Variants in SPTBN2 observed in about 807,000 individuals in gnomAD.
SPTBN2 encodes the protein spectrin beta, non-erythrocytic 2.
A neutral mutation model predicts 284.2 loss-of-function variants in SPTBN2; 107 were observed. That is an observed-to-expected ratio of 0.38 (90% CI 0.32 to 0.44). The LOEUF (loss-of-function observed/expected upper bound fraction) is 0.44, where lower values mean the gene tolerates loss of function less well. SPTBN2 is among the 20% of genes least tolerant of loss of function. The pLI is 1.00. For synonymous variants in SPTBN2, 1,289 were observed against 1,354.8 expected (o/e 0.95, Z 1.07); for missense variants, 2,569 against 3,287.1 (o/e 0.78, Z 5.34).
Position 66,698,650 on chromosome 11 carries a change from T to C in SPTBN2, c.4003A>G (p.Lys1335Glu). The C allele has an allele frequency of 6.2e-7, 1 of 1,614,212 alleles. No homozygotes were observed. The highest frequency in any genetic ancestry group is 8.5e-7 in the Non-Finnish European group (1 of 1,180,044). The change falls in exon 20 of 38, where the codon AAG (lysine) becomes GAG (glutamate). Residue 1335 changes from lysine (K) to glutamate (E), a missense_variant. By Grantham distance (56) the Lys-to-Glu change is moderately conservative. Coordinates refer to ENST00000533211, the MANE Select transcript of SPTBN2 (RefSeq NM_006946.4). Reference sequence around the variant, plus strand: ...ACAGCACTGCTCACCTTGTCCACCTTGTCCAGCCAGTCTTTGTTGGCAGCC... The same window carrying C: ...ACAGCACTGCTCACCTTGTCCACCTCGTCCAGCCAGTCTTTGTTGGCAGCC... ...ELAANKDWLD[K>E]VDKEGRELTL...
Position 66,707,347 on chromosome 11 carries a change from A to G in SPTBN2, c.1653+169T>C, listed in dbSNP as rs1042860611. ...ATCAGCCTCCTCCATGTGGACACGA[A>G]CCCCATGTGGACAGGGCCCTGTTTA... is the stretch of plus-strand genomic sequence containing the variant. On this transcript the variant is annotated intron_variant, in intron 13 of 37. Coordinates refer to ENST00000533211, the MANE Select transcript of SPTBN2 (RefSeq NM_006946.4). The surrounding 1 kb of genome is among the most constrained non-coding windows in gnomAD (Gnocchi z 4.9). Among the ~76,000 whole-genome samples the G allele has an allele frequency of 2.0e-5, 3 of 152,094 alleles. No individual in the cohort carries two copies. Among genetic ancestry groups the G allele is most frequent in the Non-Finnish European group, 4.4e-5 (3 of 68,000 alleles).
intron 1 of SPTBN2, among the ~76,000 whole-genome samples, chr11:66,725,432 C>G (rs1028781491): frequency 6.6e-6 from 1 of 152,222 alleles, no homozygotes; most frequent in Non-Finnish European, 1.5e-5. Flanking sequence ...TTTTCTCCTA[C>G]ACATATCCAG....
chr11:66,701,771 C>T (rs889496814), intron 15 of SPTBN2, 50 bp from the exon 16 acceptor site: 1 of 1,613,306 alleles, frequency 6.2e-7, no homozygotes, highest in Non-Finnish European at 8.5e-7. Flanking sequence ...AGCGATGTGC[C>T]CAGTCCACCT....
At position 66,690,254 on chromosome 11, in the gene SPTBN2, C is replaced by T. The variant is rs370666901; in HGVS notation, c.5595G>A (p.Arg1865=). ...TGTCTCCAGCGTAGGCCTTCTGGAG[C>T]CGGTGGCCGTCGTCCTGCACCTGCT... ...QVQQVQDDGH[R]LQKAYAGDKA... is the part of the protein sequence containing the mutation. The change falls in exon 28 of 38, where the codon CGG becomes CGA. Residue 1865 remains arginine (R), a synonymous_variant. Transcript: ENST00000533211. 3.7e-6 allele frequency: 6 copies of T among 1,611,470 alleles called. No individual in the cohort carries two copies. The Admixed American group carries it at 6.7e-5, about 18-fold the overall frequency.
Position 66,700,646 on chromosome 11 carries a change from T to A in SPTBN2, c.3453A>T (p.Gly1151=), listed in dbSNP as rs768932281. Reference sequence around the variant, plus strand: ...TTCGGCCCAGCTCCTCCCAGCCAGTTCCCAGGGCCTCCAGTCGCTGTCGTA... The same window carrying A: ...TTCGGCCCAGCTCCTCCCAGCCAGTACCCAGGGCCTCCAGTCGCTGTCGTA... ...LFLRQRLEAL[G]TGWEELGRMW... is the part of the protein sequence containing the mutation. Residue 1151 remains glycine (G), a synonymous_variant, in exon 17 of 38, where the codon GGA becomes GGT. Coordinates refer to ENST00000533211, the MANE Select transcript of SPTBN2 (RefSeq NM_006946.4). The surrounding 1 kb of genome is among the most constrained non-coding windows in gnomAD (Gnocchi z 6.6). 3.1e-5 allele frequency: 50 copies of A among 1,607,874 alleles called. No individual in the cohort carries two copies. The highest frequency in any genetic ancestry group is 1.3e-4 in the Admixed American group (8 of 59,988).
chr11:66,706,053 C>A (rs1029299349), intron 13 of SPTBN2, among the ~76,000 whole-genome samples: 2 of 152,214 alleles, frequency 1.3e-5, no homozygotes, highest in Admixed American at 6.5e-5. Flanking sequence ...CTAACTCCTG[C>A]TCTTGGAAGC....
Position 66,715,736 on chromosome 11 carries a change from T to C in SPTBN2, c.309+94A>G. The C allele has an allele frequency of 1.3e-6, 2 of 1,539,000 alleles. No individual in the cohort carries two copies. The highest frequency in any genetic ancestry group is 1.8e-6 in the Non-Finnish European group (2 of 1,135,378). ...CAGAGGGAGCCACTGCTTCCCGCCC[T>C]GTGCCGTCACTCTCTCTGAGGGCTG... On this transcript the variant is annotated intron_variant, in intron 4 of 37. Transcript: ENST00000533211. This position sits in a 1 kb window ranked among gnomAD's most constrained non-coding sequence, Gnocchi z 5.3.
chr11:66,714,671 G>A (rs767674281), intron 5 of SPTBN2, among the ~76,000 whole-genome samples: 4 of 152,206 alleles, frequency 2.6e-5, no homozygotes, highest in Non-Finnish European at 5.9e-5. Context: ...ACTGCAGGCA[G>A]AAGAGTGAAC....
rs777270558 is a variant in SPTBN2, at chr11:66,686,055, G to A, written c.6989C>T (p.Ala2330Val). The A allele has an allele frequency of 3.7e-6, 6 of 1,613,692 alleles. No homozygotes were observed. The highest frequency in any genetic ancestry group is 3.3e-5 in the South Asian group (3 of 91,084). ...TTCAGGCTCTCCAGAGGCAGAAGAC[G>A]CTGTGGCAATGGCTGCATTCACCAC... ...LRVVNAAIATASSASGEPEEP... is the reference protein window; with the variant it reads ...LRVVNAAIATVSSASGEPEEP... The change falls in exon 38 of 38, where the codon GCG (alanine) becomes GTG (valine). Residue 2330 changes from alanine to valine, a missense_variant. Physicochemically the swap from Ala to Val is moderately conservative, Grantham distance 64. This residue lies in a region of SPTBN2 where 1,130 missense variants were observed against 1,317.3 expected (regional missense o/e 0.86). Transcript: ENST00000533211.
chr11:66,699,703 C>G (rs1436009908), intron 17 of SPTBN2, 95 bp from the exon 18 acceptor site: 9 of 1,259,232 alleles, frequency 7.1e-6, no homozygotes, highest in Non-Finnish European at 1.0e-5. Context: ...AGGTAGGGAC[C>G]AACAAGCAGA....
At chr11:66,738,356 A>G (rs1942870120) in intron 1 of SPTBN2, among the ~76,000 whole-genome samples, 1 of 152,250 alleles carries the variant, frequency 6.6e-6, no homozygotes, top group Admixed American at 6.5e-5. Context: ...TAACACCTAA[A>G]GAAAGAGGTA....
chr11:66,720,984 A>G (rs925450569), intron 3 of SPTBN2, 100 bp downstream of exon 3: 2 of 1,528,634 alleles, frequency 1.3e-6, no homozygotes, highest in Non-Finnish European at 1.8e-6. Context: ...TCCCACTTAG[A>G]AAGAAAAGTC....
chr11:66,704,905 C>T lies in SPTBN2; in HGVS notation c.2371G>A (p.Ala791Thr). 3.1e-6 allele frequency: 5 copies of T among 1,611,600 alleles called. No homozygotes were observed. Among genetic ancestry groups the T allele is most frequent in the Non-Finnish European group, 4.2e-6 (5 of 1,179,904 alleles). ...TGGCTTCGAATCTCCTCCTCCAGGG[C>T]CCGATGCTGCCTGGCTAGAGCCTGC... ...STQALARQHR[A>T]LEEEIRSHRP... The change falls in exon 15 of 38, where the codon GCC becomes ACC. Residue 791 changes from alanine (A) to threonine (T), a missense_variant. Around this residue, in one of 6 missense-constraint regions of SPTBN2, gnomAD observed 1,012 missense variants for 1,248.9 expected, o/e 0.81. Coordinates refer to ENST00000533211, the MANE Select transcript of SPTBN2 (RefSeq NM_006946.4).
In SPTBN2 at chr11:66,691,584, A is replaced by G. The variant is rs765242216; in HGVS notation, c.5265T>C (p.Asn1755=). Residue 1755 remains asparagine (N), a synonymous_variant, in exon 27 of 38, where the codon AAT becomes AAC. Coordinates refer to ENST00000533211, the MANE Select transcript of SPTBN2 (RefSeq NM_006946.4). The surrounding 1 kb of genome is among the most constrained non-coding windows in gnomAD (Gnocchi z 8.0). ...TIGQERVDSA[N]ALANGLIAGG... ...CAGCAATGAGCCCATTGGCCAGCGC[A>G]TTGGCGCTATCTACGCGCTCCTGAC... The G allele has an allele frequency of 1.8e-5, 29 of 1,613,762 alleles. No individual in the cohort carries two copies. Among genetic ancestry groups the G allele is most frequent in the Admixed American group, 3.3e-5 (2 of 60,030 alleles).
intron 15 of SPTBN2, among the ~76,000 whole-genome samples, chr11:66,703,864 GTC>G (rs1431618144): frequency 1.3e-5 from 2 of 151,718 alleles, no homozygotes; most frequent in African/African-American, 2.4e-5. Context: ...CTATTTTAGT[GTC>G]TCTGTCTAAA....
chr11:66,736,888 T>C (rs918435575), intron 1 of SPTBN2, among the ~76,000 whole-genome samples: 1 of 152,262 alleles, frequency 6.6e-6, no homozygotes, highest in African/African-American at 2.4e-5. Flanking sequence ...TCAACTACTA[T>C]GGCTTCTGAA....
rs764114440 is a variant in SPTBN2 at position 66,690,040 on chromosome 11, G to C, written c.5809C>G (p.Arg1937Gly). The stretch of plus-strand genomic sequence containing the variant: ...GGCCCTGAGCCCTGGGATTCTCACC[G>C]GGGACGCTCCTGGGCATCCATCTGC... ...NLQMDAQERPRDVSSADLVIK... is the reference protein window; with the variant it reads ...NLQMDAQERPGDVSSADLVIK... The change falls in exon 28 of 38, where the codon CGG becomes GGG. Residue 1937 changes from arginine to glycine, a missense_variant and splice_region_variant. Physicochemically the swap from Arg to Gly is moderately radical, Grantham distance 125 (BLOSUM62 -2). Transcript: ENST00000533211. 3 of 1,614,090 alleles carry C rather than the reference G, an allele frequency of 1.9e-6. No homozygotes were observed. The highest frequency in any genetic ancestry group is 2.2e-5 in the East Asian group (1 of 44,896).
chr11:66,701,440 C>G (rs1186156838), intron 16 of SPTBN2, 144 bp downstream of exon 16: 2 of 1,532,682 alleles, frequency 1.3e-6, no homozygotes, highest in Non-Finnish European at 1.8e-6. Flanking sequence ...CTCTTTCATC[C>G]TTTTTCCTTC....
chr11:66,721,783 C>T (rs1173594926), intron 1 of SPTBN2, among the ~76,000 whole-genome samples: 7 of 152,154 alleles, frequency 4.6e-5, no homozygotes, highest in Admixed American at 2.0e-4. Flanking sequence ...CGGTGGCTCA[C>T]GCCTGTAATC....
Sources: gnomAD v4.1 joint callset for allele counts (sites outside exome capture counted in the v4.1 genomes callset) on GRCh38, gnomAD v4.1.1 for gene constraint, gnomAD v4.1.1 regional missense constraint, Gnocchi (gnomAD v3.1) non-coding constraint, MANE v1.5 for transcripts, NCBI Gene and HGNC (gene_info 2026-07-23, HGNC 2026-07-21) for gene names.